The following WDR27 variants were observed in gnomAD, a reference collection of about 807,000 sequenced individuals.
The protein encoded by WDR27 is WD repeat domain 27, also known as WD repeat-containing protein 27.
A neutral mutation model predicts 114.4 loss-of-function variants in WDR27; 100 were observed. The observed-to-expected ratio is 0.87, with a 90% CI of 0.74 to 1.03. The LOEUF (loss-of-function observed/expected upper bound fraction) is 1.03, where lower values mean the gene tolerates loss of function less well. WDR27 is among the 50% of genes least tolerant of loss of function. WDR27 has a pLI of 0.00. For missense variants in WDR27, 1,129 were observed against 1,092.9 expected, an observed-to-expected ratio of 1.03 and a Z score of -0.47; for synonymous variants, 449 against 423.1, an observed-to-expected ratio of 1.06 and a Z score of -0.75.
rs1189756218 is a variant in WDR27 at position 169,659,650 on chromosome 6, T to C, written c.1130-132A>G. 2.5e-6 allele frequency: 2 copies of C among 789,060 alleles called. No homozygotes were observed. The highest frequency in any genetic ancestry group is 1.6e-5 in the South Asian group (1 of 62,536). The allele number at this position is 789,060 out of a possible 1,614,324, so 48.9% of individuals were successfully genotyped here. ...ACAGTCCAGGCCCCACCACACACTT[T>C]GCAGGCTGTGCACCACATCCTCACA... On this transcript the variant is annotated intron_variant, in intron 10 of 25. Coordinates refer to ENST00000448612, the MANE Select transcript of WDR27 (RefSeq NM_182552.5). This position sits in a 1 kb window ranked among gnomAD's most constrained non-coding sequence, Gnocchi z 4.3.
intron 25 of WDR27, among the ~76,000 whole-genome samples, chr6:169,471,325 G>A (rs1026095373): frequency 5.3e-5 from 8 of 152,020 alleles, no homozygotes; most frequent in South Asian, 2.1e-4. Flanking sequence ...CTCCCACAAG[G>A]CCTCAGGTTG....
chr6:169,652,509 A>T (rs1822873630), intron 13 of WDR27, among the ~76,000 whole-genome samples: 1 of 152,156 alleles, frequency 6.6e-6, no homozygotes, highest in Non-Finnish European at 1.5e-5. Flanking sequence ...AGCCTCCCAA[A>T]ATGCTGGGAT....
intron 7 of WDR27, chr6:169,664,601 A>T (rs1032791859): frequency 2.9e-5 from 34 of 1,187,234 alleles, no homozygotes; most frequent in Admixed American, 4.3e-5. Context: ...CACACCCCAC[A>T]GCTTCACAGC....
At chr6:169,552,296 C>A (rs778054134) in intron 25 of WDR27, among the ~76,000 whole-genome samples, 1 of 152,130 alleles carries the variant, frequency 6.6e-6, no homozygotes, top group East Asian at 1.9e-4. Flanking sequence ...TTAATAAGCA[C>A]GTAGATGACC....
intron 23 of WDR27, among the ~76,000 whole-genome samples, chr6:169,590,096 T>C (rs747714141): frequency 2.0e-5 from 3 of 152,218 alleles, no homozygotes; most frequent in Non-Finnish European, 4.4e-5. Context: ...AAGAGAAGTG[T>C]TTTGGAAACA....
intron 25 of WDR27, 127 bp from the exon 26 acceptor site, chr6:169,457,761 C>T (rs1041260490): frequency 4.6e-6 from 3 of 645,264 alleles, no homozygotes; most frequent in South Asian, 3.9e-5. Context: ...GAGTAAAATA[C>T]ATTAACATAG....
chr6:169,460,000 A>C (rs1784728636), intron 25 of WDR27, among the ~76,000 whole-genome samples: 1 of 152,164 alleles, frequency 6.6e-6, no homozygotes, highest in Admixed American at 6.5e-5. Flanking sequence ...CTAGACAGGA[A>C]TTTGAAGGTG....
chr6:169,517,315 G>A (rs894848038), intron 25 of WDR27, among the ~76,000 whole-genome samples: 7 of 152,088 alleles, frequency 4.6e-5, no homozygotes, highest in Admixed American at 2.6e-4. Context: ...TAAAGCCTGC[G>A]GAACCATGAG....
rs757815922 is a variant in WDR27 at position 169,460,528 on chromosome 6, CA to C, written c.2646-2895del. On this transcript the variant is annotated intron_variant, in intron 25 of 25. Coordinates refer to ENST00000448612, the MANE Select transcript of WDR27 (RefSeq NM_182552.5). Reference sequence around the variant, plus strand: ...AGGCAGTAATGCAGAAAATAAGGGACAAAAAACTATCAGGTATATTGAAAAC... The same window carrying C: ...AGGCAGTAATGCAGAAAATAAGGGACAAAAACTATCAGGTATATTGAAAAC... Among the ~76,000 whole-genome samples the C allele has an allele frequency of 3.3e-5, 5 of 152,028 alleles. No homozygotes were observed. The East Asian group carries it at 7.7e-4, about 24-fold the overall frequency.
chr6:169,592,046 A>G (rs1325283815), intron 23 of WDR27, among the ~76,000 whole-genome samples: 2 of 152,118 alleles, frequency 1.3e-5, no homozygotes, highest in Non-Finnish European at 2.9e-5. Flanking sequence ...GCAGGAGCTA[A>G]GAAATACTGG....
the WDR27 span, among the ~76,000 whole-genome samples, chr6:169,443,004 C>A: frequency 3.3e-5 from 5 of 152,200 alleles, no homozygotes; most frequent in African/African-American, 9.7e-5. Flanking sequence ...TGAGAGGAGA[C>A]CACATTCCAA....
chr6:169,585,331 T>C (rs9478063), intron 23 of WDR27, among the ~76,000 whole-genome samples: 69,310 of 152,058 alleles, frequency 0.46, 19,727 homozygotes, highest in Non-Finnish European at 0.64. Flanking sequence ...GCAAATAAAA[T>C]AATCACCTAA....
chr6:169,682,074 C>T (rs1781668189), intron 2 of WDR27, among the ~76,000 whole-genome samples: 2 of 152,202 alleles, frequency 1.3e-5, no homozygotes, highest in Non-Finnish European at 2.9e-5. Flanking sequence ...GCTCTCCAAC[C>T]TCTGTCCCAC....
chr6:169,498,096 T>C (rs1309627881), intron 25 of WDR27, among the ~76,000 whole-genome samples: 2 of 152,018 alleles, frequency 1.3e-5, no homozygotes, highest in East Asian at 1.9e-4. Context: ...AATTCTAATA[T>C]ATGCTTCAAT....
At chr6:169,625,118 C>G (rs2128205588) in intron 21 of WDR27, among the ~76,000 whole-genome samples, 1 of 152,328 alleles carries the variant, frequency 6.6e-6, no homozygotes, top group South Asian at 2.1e-4. Flanking sequence ...GCGCCAGCAG[C>G]AGGTCATGGA....
intron 13 of WDR27, among the ~76,000 whole-genome samples, chr6:169,655,010 G>A (rs748849148): frequency 5.9e-5 from 9 of 152,194 alleles, no homozygotes; most frequent in South Asian, 2.1e-4. Context: ...GGGTTTTCCC[G>A]GGAGAACAGA....
At chr6:169,524,005 A>G (rs1583965073) in intron 25 of WDR27, among the ~76,000 whole-genome samples, 1 of 152,102 alleles carries the variant, frequency 6.6e-6, no homozygotes, top group Non-Finnish European at 1.5e-5. Context: ...AATTAGCTTC[A>G]TTCACAAATG....
chr6:169,515,224 G>A (rs1562520011), intron 25 of WDR27, among the ~76,000 whole-genome samples: 2 of 152,020 alleles, frequency 1.3e-5, no homozygotes, highest in South Asian at 4.2e-4. Context: ...AGAAATGTGT[G>A]CGTGTGTGCA....
chr6:169,605,466 CA>C (rs1808953374), intron 22 of WDR27, among the ~76,000 whole-genome samples: 1 of 151,682 alleles, frequency 6.6e-6, no homozygotes, highest in South Asian at 2.1e-4. Context: ...ACAGATAATA[CA>C]AACAAATAGG....
Sources: allele counts gnomAD v4.1 joint callset (sites outside exome capture counted in the v4.1 genomes callset), GRCh38; gene constraint gnomAD v4.1.1; non-coding constraint Gnocchi (gnomAD v3.1); transcripts MANE v1.5; gene names NCBI Gene and HGNC (gene_info 2026-07-23, HGNC 2026-07-21).